The following CSGALNACT1 variants were observed in gnomAD, a reference collection of about 807,000 sequenced individuals.
CSGALNACT1 encodes the protein chondroitin sulfate N-acetylgalactosaminyltransferase 1, also known as beta4GalNAcT-1.
Under a neutral mutation model 51.0 loss-of-function variants are expected in CSGALNACT1, and 52 were observed. The observed-to-expected ratio is 1.02, with a 90% confidence interval of 0.82 to 1.29. The LOEUF (loss-of-function observed/expected upper bound fraction) is 1.29, where lower values mean the gene tolerates loss of function less well. Among genes scored for constraint, CSGALNACT1 ranks in the 50% most tolerant of loss-of-function variants. The pLI is 0.00. For missense variants in CSGALNACT1, 935 were observed against 679.2 expected (o/e 1.38, Z -4.19); for synonymous variants, 341 against 254.4 (o/e 1.34, Z -3.24).
chr8:19,432,394 T>C (rs570053256), intron 6 of CSGALNACT1, among the ~76,000 whole-genome samples: 1 of 152,302 alleles, frequency 6.6e-6, no homozygotes, highest in Admixed American at 6.5e-5. Flanking sequence ...AAAATGTGAT[T>C]ATAAGTTTAA....
At chr8:19,592,814 A>C (rs2048118246) in intron 2 of CSGALNACT1, among the ~76,000 whole-genome samples, 1 of 152,154 alleles carries the variant, frequency 6.6e-6, no homozygotes, top group African/African-American at 2.4e-5. Flanking sequence ...GTAAAATGTT[A>C]ACAACAGGTC....
intron 4 of CSGALNACT1, among the ~76,000 whole-genome samples, chr8:19,459,419 A>T (rs1420256640): frequency 6.7e-6 from 1 of 149,674 alleles, no homozygotes; most frequent in African/African-American, 2.5e-5. Context: ...GAAAGAAGTT[A>T]TGTCCATTTC....
At position 19,614,683 on chromosome 8, in the gene CSGALNACT1, TTTAA is replaced by T. The variant is rs567110069; in HGVS notation, c.-543-12822_-543-12819del. 5.9e-5 allele frequency among the ~76,000 whole-genome samples: 9 copies of T among 152,304 alleles called. No individual in the cohort carries two copies. The South Asian group carries it at 1.9e-3, about 32-fold the overall frequency. On this transcript the variant is annotated intron_variant, in intron 1 of 9. Transcript: ENST00000332246. ...GGTACTGAAGTTATTCAAATAGGTG[TTTAA>T]TAAACTCTGATCAGAGAAGGTTGAA...
At chr8:19,658,107 C>A (rs7017890) in intron 1 of CSGALNACT1, among the ~76,000 whole-genome samples, 112,655 of 144,976 alleles carry the variant, frequency 0.78, 44,096 homozygotes, top group East Asian at 0.98. Flanking sequence ...CCCTAACCCC[C>A]CAATGTGATA....
intron 1 of CSGALNACT1, among the ~76,000 whole-genome samples, chr8:19,613,780 A>G (rs2052625711): frequency 6.6e-6 from 1 of 152,216 alleles, no homozygotes; most frequent in Non-Finnish European, 1.5e-5. Context: ...CAATGTCACC[A>G]GCAAAATTAT....
intron 3 of CSGALNACT1, among the ~76,000 whole-genome samples, chr8:19,528,350 C>A (rs890831550): frequency 6.6e-6 from 1 of 151,750 alleles, no homozygotes; most frequent in East Asian, 1.9e-4. Context: ...CATGTTATTC[C>A]GCTATTAGAC....
intron 1 of CSGALNACT1, among the ~76,000 whole-genome samples, chr8:19,746,567 C>T (rs1257076179): frequency 6.6e-6 from 1 of 152,176 alleles, no homozygotes; most frequent in African/African-American, 2.4e-5. Context: ...ACAGATAGTA[C>T]AGGTCATCTC....
upstream of CSGALNACT1, among the ~76,000 whole-genome samples, chr8:19,604,625 C>T (rs1046895169): frequency 2.2e-4 from 34 of 151,358 alleles, no homozygotes; most frequent in Admixed American, 2.1e-3. Context: ...AAGTATGGGG[C>T]GGCCAGGTAC....
chr8:19,456,152 C>A (rs1174949531), intron 5 of CSGALNACT1, among the ~76,000 whole-genome samples: 1 of 152,192 alleles, frequency 6.6e-6, no homozygotes, highest in Non-Finnish European at 1.5e-5. Context: ...ACTTCCCTTC[C>A]TGTTTTCCTG....
chr8:19,692,386 C>T (rs898112472), intron 1 of CSGALNACT1, among the ~76,000 whole-genome samples: 1 of 152,152 alleles, frequency 6.6e-6, no homozygotes, highest in Non-Finnish European at 1.5e-5. Context: ...AGCATAGTTA[C>T]CATTGTAACA....
chr8:19,600,324 C>T lies in CSGALNACT1; in HGVS notation c.-416+1447G>A, dbSNP rs1204667894. 5.3e-5 allele frequency among the ~76,000 whole-genome samples: 8 copies of T among 152,328 alleles called. No individual in the cohort carries two copies. The South Asian group carries it at 1.0e-3, about 20-fold the overall frequency. On this transcript the variant is annotated intron_variant, in intron 2 of 9. Transcript: ENST00000454498. ...CTCGAACTCTTGACCTTGTGATCCA[C>T]CTGCTTCGGTCTCCCAAAGTGCTGG...
intron 1 of CSGALNACT1, among the ~76,000 whole-genome samples, chr8:19,634,194 C>T (rs4921662): frequency 0.39 from 59,114 of 152,056 alleles, 11,736 homozygotes; most frequent in Admixed American, 0.48. Context: ...ACACATAAAA[C>T]GTCTGTGGCT....
At chr8:19,427,596 G>C (rs1012317180) in intron 6 of CSGALNACT1, among the ~76,000 whole-genome samples, 2 of 152,062 alleles carry the variant, frequency 1.3e-5, no homozygotes, top group African/African-American at 4.8e-5. Context: ...AGACCATCCT[G>C]GCTAACACGG....
chr8:19,649,454 A>G (rs903457739), intron 1 of CSGALNACT1, among the ~76,000 whole-genome samples: 3 of 152,166 alleles, frequency 2.0e-5, no homozygotes, highest in African/African-American at 7.2e-5. Flanking sequence ...GCCTTCTGGA[A>G]TTAATTAGGA....
chr8:19,666,118 G>A (rs915352339), intron 1 of CSGALNACT1, among the ~76,000 whole-genome samples: 1 of 152,086 alleles, frequency 6.6e-6, no homozygotes. Flanking sequence ...TTTTCCCTTT[G>A]TTCCTGTACA....
At chr8:19,666,544 G>C (rs556689395) in intron 1 of CSGALNACT1, among the ~76,000 whole-genome samples, 60 of 151,322 alleles carry the variant, frequency 4.0e-4, no homozygotes, top group African/African-American at 1.4e-3. Flanking sequence ...AAAATATAAA[G>C]ATTAGCCAGG....
intron 1 of CSGALNACT1, among the ~76,000 whole-genome samples, chr8:19,720,574 G>A (rs573954992): frequency 6.6e-6 from 1 of 152,280 alleles, no homozygotes; most frequent in East Asian, 1.9e-4. Context: ...GTCTTGGGAG[G>A]TAGTTTCGAG....
chr8:19,621,292 A>C (rs953128275), intron 1 of CSGALNACT1, among the ~76,000 whole-genome samples: 1 of 152,150 alleles, frequency 6.6e-6, no homozygotes, highest in African/African-American at 2.4e-5. Context: ...AAACCCTGCA[A>C]ATCTTGAATT....
chr8:19,632,563 A>G (rs539779334), intron 1 of CSGALNACT1, among the ~76,000 whole-genome samples: 1 of 152,310 alleles, frequency 6.6e-6, no homozygotes, highest in Admixed American at 6.5e-5. Flanking sequence ...AAGTTTAATT[A>G]CTTCTGTTCT....
Sources: gnomAD v4.1 joint callset for allele counts (sites outside exome capture counted in the v4.1 genomes callset) on GRCh38, gnomAD v4.1.1 for gene constraint, MANE v1.5 for transcripts, NCBI Gene and HGNC (gene_info 2026-07-23, HGNC 2026-07-21) for gene names.